The following TRHR variants were observed in gnomAD, a reference collection of about 807,000 sequenced individuals.
TRHR encodes thyrotropin releasing hormone receptor.
Under a neutral mutation model 28.0 loss-of-function variants are expected in TRHR, and 14 were observed. The ratio of observed to expected loss-of-function variants is 0.50; its 90% confidence interval spans 0.33 to 0.78. The LOEUF is 0.78. Ranked by LOEUF, TRHR falls within the 30% of genes least tolerant of loss-of-function variation. TRHR has a pLI of 0.02. For synonymous variants in TRHR, 176 were observed against 171.9 expected (o/e 1.02, Z -0.18); for missense variants, 438 against 469.5 (o/e 0.93, Z 0.62).
Position 109,118,714 on chromosome 8 carries a change from C to T in TRHR, c.790-334C>T, listed in dbSNP as rs150390762. ...AGTACACAGGAGTTAAAGTCCTTAACAATATCCTTTAATGAATGGACGCTG... is the reference window on the plus strand; with the variant it reads ...AGTACACAGGAGTTAAAGTCCTTAATAATATCCTTTAATGAATGGACGCTG... On this transcript the variant is annotated intron_variant, in intron 2 of 2. Transcript: ENST00000518632. Among the ~76,000 whole-genome samples, 672 of 151,976 alleles carry T rather than the reference C, an allele frequency of 4.4e-3. 8 individuals are homozygous for T. The highest frequency in any genetic ancestry group is 0.015 in the African/African-American group (630 of 41,506).
At position 109,120,049 on chromosome 8, in the gene TRHR, T is replaced by C. The variant is rs1011506498; in HGVS notation, c.*594T>C. Among the ~76,000 whole-genome samples the C allele has an allele frequency of 2.0e-5, 3 of 151,880 alleles. No homozygotes were observed. The highest frequency in any genetic ancestry group is 4.4e-5 in the Non-Finnish European group (3 of 67,862). On this transcript the variant is annotated 3_prime_UTR_variant, in exon 3 of 3. Transcript: ENST00000518632. ...GTTTATAAAATTCTGAGATGATTTT[T>C]ATATCTTAGAAGGTAGATAATCATC...
At chr8:109,090,761 A>T (rs776881787) in intron 2 of TRHR, among the ~76,000 whole-genome samples, 1 of 152,216 alleles carries the variant, frequency 6.6e-6, no homozygotes. Context: ...TATTCCATGC[A>T]TAAAGGACAA....
At position 109,105,344 on chromosome 8, in the gene TRHR, G is replaced by A. The variant is rs148988691; in HGVS notation, c.790-13704G>A. 3.1e-3 allele frequency among the ~76,000 whole-genome samples: 477 copies of A among 152,224 alleles called. 2 individuals carry two copies. The highest frequency in any genetic ancestry group is 0.011 in the African/African-American group (453 of 41,540). ...AATGGTACGAACTCTCAGAAATGAG[G>A]TGCAGAGATAGAGGCTATATCTGCC... is the stretch of plus-strand genomic sequence containing the variant. On this transcript the variant is annotated intron_variant, in intron 2 of 2. Transcript: ENST00000518632.
intron 2 of TRHR, among the ~76,000 whole-genome samples, chr8:109,106,815 A>G (rs1811758471): frequency 6.6e-6 from 1 of 152,122 alleles, no homozygotes; most frequent in African/African-American, 2.4e-5. Context: ...TTATTCATTC[A>G]TTTCCTGAAC....
chr8:109,093,552 T>G (rs749437428), intron 2 of TRHR, among the ~76,000 whole-genome samples: 5 of 151,636 alleles, frequency 3.3e-5, no homozygotes, highest in Admixed American at 1.3e-4. Context: ...ATTACAGGCA[T>G]GCACCACCAT....
At chr8:109,090,108 C>CA (rs1401786153) in intron 2 of TRHR, among the ~76,000 whole-genome samples, 1 of 152,184 alleles carries the variant, frequency 6.6e-6, no homozygotes, top group Non-Finnish European at 1.5e-5. Context: ...GGATTCCATT[C>CA]AAACTCTATA....
intron 2 of TRHR, among the ~76,000 whole-genome samples, chr8:109,111,031 G>C (rs1269302002): frequency 1.3e-5 from 2 of 151,992 alleles, no homozygotes; most frequent in East Asian, 3.9e-4. Context: ...TGCACGCATA[G>C]AATCCCAGCT....
At chr8:109,118,619 G>T (rs532205892) in intron 2 of TRHR, among the ~76,000 whole-genome samples, 2 of 151,912 alleles carry the variant, frequency 1.3e-5, no homozygotes, top group East Asian at 2.0e-4. Context: ...TGTACCATTT[G>T]TCTCTCCTCT....
intron 2 of TRHR, among the ~76,000 whole-genome samples, chr8:109,090,814 G>T (rs372880156): frequency 6.6e-6 from 1 of 152,160 alleles, no homozygotes. Context: ...TTGGAGAGGG[G>T]CCAAGAAGGG....
At chr8:109,116,951 C>G (rs1012229967) in intron 2 of TRHR, among the ~76,000 whole-genome samples, 1 of 152,030 alleles carries the variant, frequency 6.6e-6, no homozygotes, top group East Asian at 1.9e-4. Context: ...AGGAGAGATA[C>G]TAACCTTGAA....
At chr8:109,096,941 T>C (rs956361065) in intron 2 of TRHR, among the ~76,000 whole-genome samples, 5 of 152,332 alleles carry the variant, frequency 3.3e-5, no homozygotes, top group South Asian at 2.1e-4. Flanking sequence ...TCTTCTCTGA[T>C]TTTACTTAAA....
intron 2 of TRHR, among the ~76,000 whole-genome samples, chr8:109,091,985 T>C (rs983550523): frequency 1.3e-5 from 2 of 152,218 alleles, no homozygotes; most frequent in African/African-American, 4.8e-5. Context: ...AGATACAATA[T>C]CTCTATCATT....
At chr8:109,118,765 A>G (rs1241357834) in intron 2 of TRHR, among the ~76,000 whole-genome samples, 2 of 151,864 alleles carry the variant, frequency 1.3e-5, no homozygotes, top group Admixed American at 6.6e-5. Context: ...CTTCTGACAG[A>G]TAATTCTCAA....
chr8:109,097,623 G>T (rs554021002), intron 2 of TRHR, among the ~76,000 whole-genome samples: 1 of 152,158 alleles, frequency 6.6e-6, no homozygotes, highest in East Asian at 1.9e-4. Flanking sequence ...CAAGCCCCCA[G>T]TGGGATACAA....
intron 2 of TRHR, among the ~76,000 whole-genome samples, chr8:109,112,918 G>A (rs1208175734): frequency 1.3e-5 from 2 of 152,094 alleles, no homozygotes; most frequent in African/African-American, 4.8e-5. Context: ...AAATTTCAGA[G>A]TAATATGGCT....
Position 109,087,493 on chromosome 8 carries a change from GA to G in TRHR, c.-17del. 1 of 1,613,972 alleles carries G rather than the reference GA, an allele frequency of 6.2e-7. No individual in the cohort carries two copies. Among genetic ancestry groups the G allele is most frequent in the South Asian group, 1.1e-5 (1 of 91,080 alleles). ...TGTTTTGAGAAGTCAGTGTTTCCGA[GA>G]AACTTTAAGCTTCTAAAGATGGAAA... On this transcript the variant is annotated 5_prime_UTR_variant, in exon 2 of 3. Transcript: ENST00000518632.
At chr8:109,093,520 C>T (rs1449791594) in intron 2 of TRHR, among the ~76,000 whole-genome samples, 2 of 150,400 alleles carry the variant, frequency 1.3e-5, no homozygotes, top group Non-Finnish European at 2.9e-5. Context: ...ATTCTCCTGC[C>T]TCAGCCTCCC....
At chr8:109,117,864 G>A (rs7844643) in intron 2 of TRHR, among the ~76,000 whole-genome samples, 60,505 of 151,702 alleles carry the variant, frequency 0.4, 12,334 homozygotes, top group Admixed American at 0.5. Flanking sequence ...ATATGAACCA[G>A]TGTGAAATCA....
chr8:109,115,018 T>G (rs1340546084), intron 2 of TRHR, among the ~76,000 whole-genome samples: 1 of 152,050 alleles, frequency 6.6e-6, no homozygotes, highest in Non-Finnish European at 1.5e-5. Context: ...AAAGATTGTG[T>G]CATGCTATTT....
Sources: gnomAD v4.1 joint callset for allele counts (sites outside exome capture counted in the v4.1 genomes callset) on GRCh38, gnomAD v4.1.1 for gene constraint, MANE v1.5 for transcripts, NCBI Gene and HGNC (gene_info 2026-07-23, HGNC 2026-07-21) for gene names.